CNTNAP2: variants seen among roughly 807,000 people sequenced by gnomAD.
CNTNAP2 encodes the protein contactin-associated protein-like 2.
Under a neutral mutation model 155.2 loss-of-function variants are expected in CNTNAP2, and 98 were observed. The ratio of observed to expected loss-of-function variants is 0.63; its 90% CI spans 0.54 to 0.75. The LOEUF is 0.75. CNTNAP2 is among the 30% of genes least tolerant of loss of function. The probability of loss-of-function intolerance (pLI) is 0.00; values close to 1 mark genes in which losing one functional copy is unlikely to be tolerated. For missense variants in CNTNAP2, 1,727 were observed against 1,688.1 expected, an observed-to-expected ratio of 1.02 and a Z score of -0.40; for synonymous variants, 651 against 631.2, an observed-to-expected ratio of 1.03 and a Z score of -0.47.
At chr7:147,741,301 C>T (rs1420198266) in intron 13 of CNTNAP2, among the ~76,000 whole-genome samples, 1 of 152,130 alleles carries the variant, frequency 6.6e-6, no homozygotes, top group East Asian at 1.9e-4. Flanking sequence ...CTTGCCTGAC[C>T]ACAAAGGGCA....
At chr7:146,945,762 T>C (rs1797152890) in intron 3 of CNTNAP2, among the ~76,000 whole-genome samples, 2 of 152,170 alleles carry the variant, frequency 1.3e-5, no homozygotes, top group South Asian at 4.1e-4. Flanking sequence ...CTGCTTTTCT[T>C]AAAATCCATG....
At chr7:147,836,939 A>G (rs1798643483) in intron 13 of CNTNAP2, among the ~76,000 whole-genome samples, 2 of 152,346 alleles carry the variant, frequency 1.3e-5, no homozygotes, top group African/African-American at 4.8e-5. Flanking sequence ...TTCTAAATGA[A>G]TTCATGAAAG....
chr7:147,996,009 A>T (rs1229888761), intron 15 of CNTNAP2, among the ~76,000 whole-genome samples: 1 of 152,186 alleles, frequency 6.6e-6, no homozygotes, highest in Non-Finnish European at 1.5e-5. Flanking sequence ...GAGACAATAA[A>T]CCAGGTGCCA....
At chr7:146,623,440 A>G (rs1799367269) in intron 1 of CNTNAP2, among the ~76,000 whole-genome samples, 1 of 152,114 alleles carries the variant, frequency 6.6e-6, no homozygotes, top group South Asian at 2.1e-4. Flanking sequence ...AACTCTCTCT[A>G]CAGAAAACCC....
intron 8 of CNTNAP2, among the ~76,000 whole-genome samples, chr7:147,188,766 C>A (rs1802620163): frequency 6.6e-6 from 1 of 152,038 alleles, no homozygotes; most frequent in Admixed American, 6.6e-5. Context: ...GTAGGGTTTG[C>A]ATCATGGGAA....
chr7:147,674,907 G>T (rs1448061251), intron 13 of CNTNAP2, among the ~76,000 whole-genome samples: 1 of 151,554 alleles, frequency 6.6e-6, no homozygotes, highest in Non-Finnish European at 1.5e-5. Flanking sequence ...TGCATGATCA[G>T]CTCTTTTTTT....
At chr7:147,078,422 C>T (rs139180574) in intron 4 of CNTNAP2, among the ~76,000 whole-genome samples, 174 of 152,300 alleles carry the variant, frequency 1.1e-3, no homozygotes, top group Admixed American at 1.8e-3. Flanking sequence ...ATGCATTAAA[C>T]ATTTCCATCT....
intron 1 of CNTNAP2, among the ~76,000 whole-genome samples, chr7:146,277,905 G>A (rs1800189191): frequency 6.6e-6 from 1 of 151,882 alleles, no homozygotes; most frequent in South Asian, 2.1e-4. Flanking sequence ...AGAGATGAAA[G>A]GACAAGAAAG....
chr7:147,617,283 G>T (rs972182792), intron 12 of CNTNAP2, among the ~76,000 whole-genome samples: 7 of 152,020 alleles, frequency 4.6e-5, no homozygotes, highest in Non-Finnish European at 8.8e-5. Context: ...TTTAGCACTT[G>T]TTTCTATTTT....
intron 21 of CNTNAP2, among the ~76,000 whole-genome samples, chr7:148,366,979 T>A (rs1261021066): frequency 6.6e-6 from 1 of 152,192 alleles, no homozygotes; most frequent in Non-Finnish European, 1.5e-5. Context: ...ACGCCTGTAG[T>A]CCCAACACTT....
rs1797555103 is a variant in CNTNAP2, at chr7:146,121,086, TACTCAAATGTC to T, written c.97+4114_97+4124del. Among the ~76,000 whole-genome samples the T allele has an allele frequency of 5.8e-4, 87 of 150,672 alleles. 2 individuals carry two copies. The highest frequency in any genetic ancestry group is 8.6e-4 in the Non-Finnish European group (58 of 67,612). On this transcript the variant is annotated intron_variant, in intron 1 of 23. Coordinates refer to ENST00000361727, the MANE Select transcript of CNTNAP2 (RefSeq NM_014141.6). The stretch of plus-strand genomic sequence containing the variant: ...TAGTAAATTCTTCTAGACAAAAACT[TACTCAAATGTC>T]TTAAAGTTTACATAAAGCTTCCTTT...
intron 1 of CNTNAP2, among the ~76,000 whole-genome samples, chr7:146,290,228 A>G (rs1211392690): frequency 6.6e-6 from 1 of 152,122 alleles, no homozygotes. Flanking sequence ...AGGCCTGGGT[A>G]ATTTTTTATG....
intron 1 of CNTNAP2, among the ~76,000 whole-genome samples, chr7:146,203,476 G>A (rs1353980077): frequency 1.3e-5 from 2 of 152,168 alleles, no homozygotes; most frequent in Non-Finnish European, 2.9e-5. Flanking sequence ...GGAAGGGGAT[G>A]AGTGTGGCAG....
At chr7:146,591,365 A>G (rs11763451) in intron 1 of CNTNAP2, among the ~76,000 whole-genome samples, 49 of 96,862 alleles carry the variant, frequency 5.1e-4, no homozygotes, top group Non-Finnish European at 7.4e-4. Flanking sequence ...CTTCAAAGAA[A>G]TTGGTTGTGA....
intron 1 of CNTNAP2, among the ~76,000 whole-genome samples, chr7:146,650,071 T>A (rs1799881061): frequency 6.6e-6 from 1 of 152,086 alleles, no homozygotes; most frequent in African/African-American, 2.4e-5. Flanking sequence ...GGTGGGAGTG[T>A]TATTTAGTTA....
intron 1 of CNTNAP2, among the ~76,000 whole-genome samples, chr7:146,285,335 C>T (rs185646073): frequency 6.6e-6 from 1 of 152,082 alleles, no homozygotes; most frequent in Admixed American, 6.5e-5. Context: ...TCACATTTCA[C>T]TTGCTTATAG....
At chr7:147,294,027 C>T (rs540575772) in intron 8 of CNTNAP2, among the ~76,000 whole-genome samples, 11 of 152,174 alleles carry the variant, frequency 7.2e-5, no homozygotes, top group South Asian at 2.1e-4. Context: ...TTTATCATTA[C>T]GAATTATAAC....
chr7:147,747,819 T>G (rs1427646369), intron 13 of CNTNAP2, among the ~76,000 whole-genome samples: 1 of 152,240 alleles, frequency 6.6e-6, no homozygotes, highest in Non-Finnish European at 1.5e-5. Context: ...TATGACCCTT[T>G]TCTAATCAGT....
At chr7:148,314,737 A>C (rs1216190274) in intron 21 of CNTNAP2, among the ~76,000 whole-genome samples, 2 of 152,188 alleles carry the variant, frequency 1.3e-5, no homozygotes, top group Non-Finnish European at 2.9e-5. Context: ...TGCCCTCCAG[A>C]AAAGCGGTAC....
Sources: allele counts gnomAD v4.1 joint callset (sites outside exome capture counted in the v4.1 genomes callset), GRCh38; gene constraint gnomAD v4.1.1; transcripts MANE v1.5; gene names NCBI Gene and HGNC (gene_info 2026-07-23, HGNC 2026-07-21).